The following FAM151B variants were observed in gnomAD, a reference collection of about 807,000 sequenced individuals.
FAM151B encodes protein FAM151B.
Under a neutral mutation model 31.2 loss-of-function variants are expected in FAM151B, and 24 were observed. That is an observed-to-expected ratio of 0.77 (90% CI 0.56 to 1.08). The LOEUF (loss-of-function observed/expected upper bound fraction) is 1.08. Ranked by LOEUF, FAM151B falls within the 50% of genes least tolerant of loss-of-function variation. The pLI, the probability that FAM151B is intolerant of heterozygous loss-of-function variation, is 0.00. For missense variants in FAM151B, 293 were observed against 328.6 expected, an observed-to-expected ratio of 0.89 and a Z score of 0.84; for synonymous variants, 105 against 111.4, an observed-to-expected ratio of 0.94 and a Z score of 0.36.
intron 1 of FAM151B, chr5:80,501,080 C>T: frequency 2.4e-6 from 1 of 421,434 alleles, no homozygotes; most frequent in Non-Finnish European, 4.3e-6. Context: ...GTGGCATGAT[C>T]TCAGCTCACT....
chr5:80,491,344 T>A (rs1446963538), intron 1 of FAM151B, among the ~76,000 whole-genome samples: 1 of 152,118 alleles, frequency 6.6e-6, no homozygotes, highest in Admixed American at 6.5e-5. Context: ...GCCTCCTGAA[T>A]AGCAGGGACT....
chr5:80,500,878 A>AT, intron 1 of FAM151B: 1 of 854,786 alleles, frequency 1.2e-6, no homozygotes, highest in Non-Finnish European at 2.0e-6. Flanking sequence ...TAAATATGGC[A>AT]TCCTCTGCAT....
chr5:80,497,065 C>T (rs1176709631), intron 1 of FAM151B, among the ~76,000 whole-genome samples: 1 of 151,866 alleles, frequency 6.6e-6, no homozygotes, highest in East Asian at 2.0e-4. Context: ...CCCACCTCGA[C>T]CTCCCAAAGT....
At chr5:80,538,161 G>A (rs892480748) in intron 5 of FAM151B, among the ~76,000 whole-genome samples, 8 of 151,230 alleles carry the variant, frequency 5.3e-5, no homozygotes, top group African/African-American at 7.3e-5. Flanking sequence ...TCCACCTCCC[G>A]GGTTCAAGTG....
intron 5 of FAM151B, among the ~76,000 whole-genome samples, chr5:80,538,311 C>T (rs1454117286): frequency 6.6e-6 from 1 of 152,010 alleles, no homozygotes; most frequent in African/African-American, 2.4e-5. Context: ...TCATGATCCA[C>T]CTGCTTCGGC....
intron 2 of FAM151B, among the ~76,000 whole-genome samples, chr5:80,504,069 T>C (rs1019165644): frequency 3.3e-5 from 5 of 152,198 alleles, no homozygotes; most frequent in African/African-American, 1.2e-4. Context: ...CAACTGCTTA[T>C]TGATGTTTCC....
intron 5 of FAM151B, among the ~76,000 whole-genome samples, chr5:80,538,448 C>CTTTCTTTCTTTCTCTTTCTTTGTTTCTT (rs1235874356): frequency 1.4e-4 from 7 of 49,358 alleles, no homozygotes; most frequent in African/African-American, 4.9e-4. Context: ...TTCTTTCTTT[C>CTTTCTTTCTTTCTCTTTCTTTGTTTCTT]TCTTTCTTTC....
At chr5:80,488,710 A>G (rs1417322527) in intron 1 of FAM151B, among the ~76,000 whole-genome samples, 1 of 152,268 alleles carries the variant, frequency 6.6e-6, no homozygotes, top group Non-Finnish European at 1.5e-5. Context: ...AGACAACGTC[A>G]GTGACGCGTT....
chr5:80,519,581 C>A, intron 3 of FAM151B, 112 bp from the exon 4 acceptor site: 1 of 848,772 alleles, frequency 1.2e-6, no homozygotes, highest in Non-Finnish European at 1.8e-6. Context: ...TTAACCCAGA[C>A]ATTATTGTAT....
chr5:80,533,232 C>A (rs1312166217), intron 5 of FAM151B, among the ~76,000 whole-genome samples: 1 of 151,634 alleles, frequency 6.6e-6, no homozygotes, highest in Non-Finnish European at 1.5e-5. Context: ...AAAAAAATAG[C>A]CGGGCGTGGT....
intron 1 of FAM151B, among the ~76,000 whole-genome samples, chr5:80,491,821 A>G (rs80238265): frequency 0.017 from 2,625 of 152,320 alleles, 62 homozygotes; most frequent in African/African-American, 0.057. Flanking sequence ...TTAAGGCTGA[A>G]TAGTACCCCA....
intron 5 of FAM151B, among the ~76,000 whole-genome samples, chr5:80,529,625 C>T (rs181275827): frequency 8.5e-5 from 13 of 152,246 alleles, no homozygotes; most frequent in Admixed American, 6.5e-5. Flanking sequence ...CGCAAATAAA[C>T]GAGAAAATCT....
At chr5:80,491,571 T>A (rs903197951) in intron 1 of FAM151B, among the ~76,000 whole-genome samples, 8 of 152,166 alleles carry the variant, frequency 5.3e-5, no homozygotes, top group African/African-American at 1.9e-4. Flanking sequence ...GGGAACTTAT[T>A]CCTCCTGTCT....
Position 80,519,867 on chromosome 5 carries a change from C to G in FAM151B, c.492C>G (p.Ser164=). ...VISFFPDVTF[S]LGWTTGWHPE... ...CCTTCTTTCCAGACGTGACGTTTTCCCTGGGTTGGACAACAGGATGGCATC... is the reference window on the plus strand; with the variant it reads ...CCTTCTTTCCAGACGTGACGTTTTCGCTGGGTTGGACAACAGGATGGCATC... The change falls in exon 4 of 6, where the codon TCC becomes TCG. Residue 164 remains serine, a synonymous_variant. Coordinates refer to ENST00000282226, the MANE Select transcript of FAM151B (RefSeq NM_205548.3). 1 of 1,614,022 alleles carries G rather than the reference C, an allele frequency of 6.2e-7. No homozygotes were observed. The highest frequency in any genetic ancestry group is 8.5e-7 in the Non-Finnish European group (1 of 1,179,994).
chr5:80,498,513 T>A, intron 1 of FAM151B: 2 of 860,966 alleles, frequency 2.3e-6, no homozygotes, highest in Admixed American at 4.0e-5. Flanking sequence ...TCATGTCTTT[T>A]ATTAACTCAT....
At chr5:80,517,026 C>T (rs546996023) in intron 3 of FAM151B, among the ~76,000 whole-genome samples, 26 of 152,280 alleles carry the variant, frequency 1.7e-4, no homozygotes, top group East Asian at 5.8e-4. Context: ...CCCTTCCCTT[C>T]GTCCAGCGTA....
intron 1 of FAM151B, among the ~76,000 whole-genome samples, chr5:80,490,005 T>C: frequency 8.5e-6 from 1 of 117,780 alleles, no homozygotes; most frequent in Non-Finnish European, 1.8e-5. Context: ...CCGTTATATG[T>C]CATTTTTCCC....
chr5:80,529,187 A>G (rs1745112135), intron 5 of FAM151B, among the ~76,000 whole-genome samples: 4 of 152,208 alleles, frequency 2.6e-5, no homozygotes, highest in Admixed American at 6.5e-5. Context: ...CTTTGAAACC[A>G]ACAAGAACAA....
intron 5 of FAM151B, among the ~76,000 whole-genome samples, chr5:80,535,477 G>A (rs558047333): frequency 1.6e-4 from 24 of 152,258 alleles, no homozygotes; most frequent in Non-Finnish European, 3.2e-4. Context: ...AAGCTGCCAG[G>A]AACATACACT....
Sources: gnomAD v4.1 joint callset for allele counts (sites outside exome capture counted in the v4.1 genomes callset) on GRCh38, gnomAD v4.1.1 for gene constraint, MANE v1.5 for transcripts, NCBI Gene and HGNC (gene_info 2026-07-23, HGNC 2026-07-21) for gene names.